The following CC2D1A variants were observed in gnomAD, a reference collection of about 807,000 sequenced individuals.
The protein encoded by CC2D1A is coiled-coil and C2 domain-containing protein 1A.
In CC2D1A, 68 loss-of-function variants were observed where a neutral mutation model predicts 123.8. The ratio of observed to expected loss-of-function variants is 0.55; its 90% CI spans 0.45 to 0.67. The LOEUF is 0.67. Ranked by LOEUF, CC2D1A falls within the 30% of genes least tolerant of loss-of-function variation. The pLI is 0.00. For missense variants in CC2D1A, 1,185 were observed against 1,290.3 expected (o/e 0.92, Z 1.25); for synonymous variants, 477 against 528.0 (o/e 0.90, Z 1.32).
chr19:13,924,133 TC>T (rs1186901017), intron 17 of CC2D1A, among the ~76,000 whole-genome samples: 1 of 152,148 alleles, frequency 6.6e-6, no homozygotes, highest in East Asian at 1.9e-4. Flanking sequence ...TATCAAGTCT[TC>T]CCATGCCCAG....
chr19:13,914,685 T>C (rs1971141647), intron 6 of CC2D1A, among the ~76,000 whole-genome samples: 1 of 151,190 alleles, frequency 6.6e-6, no homozygotes, highest in Non-Finnish European at 1.5e-5. Flanking sequence ...TTGCCCAGGC[T>C]GGAGTGCAGT....
Position 13,926,673 on chromosome 19 carries a change from C to A in CC2D1A, c.2021C>A (p.Ser674Tyr), listed in dbSNP as rs762128654. The change falls in exon 19 of 29, where the codon TCC (serine) becomes TAC (tyrosine). Residue 674 changes from serine (S) to tyrosine (Y), a missense_variant. Physicochemically the swap from Ser to Tyr is moderately radical, Grantham distance 144. Transcript: ENST00000318003. Reference sequence around the variant, plus strand: ...GACCGTTGTTTGCCCACAGGACTGTCCCCTGGCGATCTGGATGTCTTTGTT... The same window carrying A: ...GACCGTTGTTTGCCCACAGGACTGTACCCTGGCGATCTGGATGTCTTTGTT... Reference protein sequence around the residue: ...GINLPTPPGLSPGDLDVFVRF... With the variant: ...GINLPTPPGLYPGDLDVFVRF... 3.7e-6 allele frequency: 6 copies of A among 1,614,050 alleles called. No homozygotes were observed. The highest frequency in any genetic ancestry group is 4.5e-5 in the East Asian group (2 of 44,882).
intron 17 of CC2D1A, 84 bp from the exon 18 acceptor site, chr19:13,926,433 G>A: frequency 7.5e-7 from 1 of 1,334,136 alleles, no homozygotes; most frequent in South Asian, 1.2e-5. Flanking sequence ...TGCCCCCACT[G>A]GGGGAAGAGA....
intron 4 of CC2D1A, 82 bp from the exon 5 acceptor site, chr19:13,913,086 G>T: frequency 7.1e-7 from 1 of 1,408,624 alleles, no homozygotes; most frequent in Non-Finnish European, 9.4e-7. Flanking sequence ...GATGACATGG[G>T]GCCGACTGTT....
chr19:13,927,385 A>G, intron 22 of CC2D1A, 120 bp downstream of exon 22: 1 of 777,638 alleles, frequency 1.3e-6, no homozygotes, highest in Non-Finnish European at 2.2e-6. Context: ...CCCTCCCCTC[A>G]GAGCCTCAGA....
At chr19:13,912,287 G>A (rs1419889373) in intron 2 of CC2D1A, 36 bp from the exon 3 acceptor site, 33 of 1,552,158 alleles carry the variant, frequency 2.1e-5, no homozygotes, top group South Asian at 8.3e-5. Context: ...CTTGGTGTAC[G>A]ACCCTGGTCC....
chr19:13,914,525 G>T (rs918234357), intron 6 of CC2D1A, among the ~76,000 whole-genome samples: 1 of 151,608 alleles, frequency 6.6e-6, no homozygotes, highest in Non-Finnish European at 1.5e-5. Flanking sequence ...TAGTAGAGAC[G>T]GGGTTTCACT....
chr19:13,917,918 C>T, intron 6 of CC2D1A, 152 bp from the exon 7 acceptor site: 2 of 727,990 alleles, frequency 2.7e-6, no homozygotes, highest in Non-Finnish European at 4.2e-6. Context: ...TTGCAGTGAG[C>T]TGAGATTGCG....
chr19:13,907,964 G>T (rs568382472), intron 1 of CC2D1A, among the ~76,000 whole-genome samples: 1 of 152,132 alleles, frequency 6.6e-6, no homozygotes, highest in Non-Finnish European at 1.5e-5. Context: ...ATAGGAAGAC[G>T]GGTCTGCATG....
chr19:13,929,099 G>A (rs1206430427), intron 24 of CC2D1A, among the ~76,000 whole-genome samples: 2 of 151,386 alleles, frequency 1.3e-5, no homozygotes, highest in Non-Finnish European at 2.9e-5. Flanking sequence ...CAGCTCCCAG[G>A]TTCAAGCAAT....
At chr19:13,922,555 C>T (rs906999567) in intron 14 of CC2D1A, among the ~76,000 whole-genome samples, 5 of 152,232 alleles carry the variant, frequency 3.3e-5, no homozygotes, top group African/African-American at 1.2e-4. Flanking sequence ...CTCCTCCTCC[C>T]AGCTCTGCCT....
At chr19:13,911,431 C>A (rs1970991256) in intron 2 of CC2D1A, among the ~76,000 whole-genome samples, 1 of 152,152 alleles carries the variant, frequency 6.6e-6, no homozygotes, top group Non-Finnish European at 1.5e-5. Context: ...CTGTTGTCAT[C>A]CCCGTGTCAC....
At chr19:13,929,258 G>T in intron 24 of CC2D1A, 121 bp from the exon 25 acceptor site, 2 of 994,216 alleles carry the variant, frequency 2.0e-6, no homozygotes, top group Non-Finnish European at 3.2e-6. Context: ...ACTCACCTCC[G>T]CCTCCCAAAG....
chr19:13,928,241 C>A, intron 24 of CC2D1A, 53 bp downstream of exon 24: 1 of 1,501,772 alleles, frequency 6.7e-7, no homozygotes. Flanking sequence ...CCCCTCTCAG[C>A]CCCACCTGGA....
rs1253497498 is a variant in CC2D1A at position 13,929,569 on chromosome 19, C to T, written c.2619C>T (p.Pro873=). Residue 873 remains proline, a synonymous_variant, in exon 26 of 29, where the codon CCC becomes CCT. Transcript: ENST00000318003. ...LALRQARRPV[P]PEVAQQYQDI... is the part of the protein sequence containing the mutation. ...TCAGGCAGGCGCGGCGGCCGGTGCC[C>T]CCAGAAGTGGCCCAGCAGTACCAGG... is the stretch of plus-strand genomic sequence containing the variant. 1.9e-6 allele frequency: 3 copies of T among 1,609,778 alleles called. No individual in the cohort carries two copies. Among genetic ancestry groups the T allele is most frequent in the Admixed American group, 1.7e-5 (1 of 59,538 alleles).
intron 6 of CC2D1A, among the ~76,000 whole-genome samples, chr19:13,916,692 A>T (rs1971218165): frequency 6.6e-6 from 1 of 152,184 alleles, no homozygotes; most frequent in South Asian, 2.1e-4. Context: ...AATCACAGGA[A>T]ATAAAACCAA....
Position 13,908,917 on chromosome 19 carries a change from G to A in CC2D1A, c.61-906G>A, listed in dbSNP as rs74453022. ...TTCCTCCCTCCCTCTCTCCCTCCCC[G>A]GCTCCATCTCTCTTTCTTTCTTTCC... is the stretch of plus-strand genomic sequence containing the variant. On this transcript the variant is annotated intron_variant, in intron 1 of 28. Transcript: ENST00000318003. Among the ~76,000 whole-genome samples, 1,111 of 146,380 alleles carry A rather than the reference G, an allele frequency of 7.6e-3. 16 individuals carry two copies. Among genetic ancestry groups the A allele is most frequent in the African/African-American group, 0.027 (1,055 of 39,524 alleles).
chr19:13,926,065 TACACAC>T (rs111396032), intron 17 of CC2D1A, among the ~76,000 whole-genome samples: 3,520 of 127,830 alleles, frequency 0.028, 232 homozygotes, highest in African/African-American at 0.1. Context: ...TATGTATATA[TACACAC>T]ACACACACAC....
chr19:13,923,495 C>A lies in CC2D1A; in HGVS notation c.1764+40C>A. ...CCCAGCCCATCCCCCAGGAGCGTGA[C>A]CCTCCTTCCCCTCTCTTCCCTTCCC... On this transcript the variant is annotated intron_variant, in intron 15 of 28. Coordinates refer to ENST00000318003, the MANE Select transcript of CC2D1A (RefSeq NM_017721.5). The surrounding 1 kb of genome is among the most constrained non-coding windows in gnomAD (Gnocchi z 5.3). The A allele has an allele frequency of 1.9e-6, 3 of 1,604,034 alleles. No individual in the cohort carries two copies. Among genetic ancestry groups the A allele is most frequent in the South Asian group, 1.1e-5 (1 of 90,852 alleles).
Sources: gnomAD v4.1 joint callset for allele counts (sites outside exome capture counted in the v4.1 genomes callset) on GRCh38, gnomAD v4.1.1 for gene constraint, Gnocchi (gnomAD v3.1) non-coding constraint, MANE v1.5 for transcripts, NCBI Gene and HGNC (gene_info 2026-07-23, HGNC 2026-07-21) for gene names.